Variants in SYNE2 observed in about 807,000 individuals in gnomAD.
SYNE2 encodes nesprin-2.
Under a neutral mutation model 856.3 loss-of-function variants are expected in SYNE2, and 431 were observed. The observed-to-expected ratio is 0.50, with a 90% CI of 0.47 to 0.55. SYNE2 has a LOEUF of 0.55. SYNE2 is among the 20% of genes least tolerant of loss of function. The pLI is 0.00. For synonymous variants in SYNE2, 2,923 were observed against 2,872.3 expected (o/e 1.02, Z -0.56); for missense variants, 8,129 against 8,023.2 (o/e 1.01, Z -0.50).
intron 1 of SYNE2, among the ~76,000 whole-genome samples, chr14:63,820,311 G>C (rs1889163975): frequency 6.6e-6 from 1 of 152,098 alleles, no homozygotes; most frequent in Non-Finnish European, 1.5e-5. Flanking sequence ...GTACAAGTCA[G>C]TGTCTTTTTA....
chr14:64,076,679 G>A (rs1413189898), intron 54 of SYNE2, among the ~76,000 whole-genome samples: 4 of 150,478 alleles, frequency 2.7e-5, no homozygotes, highest in Non-Finnish European at 5.9e-5. Flanking sequence ...TGATTAGATT[G>A]TAGAAAGACA....
intron 1 of SYNE2, among the ~76,000 whole-genome samples, chr14:63,799,612 G>A (rs1888054046): frequency 6.6e-6 from 1 of 152,078 alleles, no homozygotes; most frequent in Non-Finnish European, 1.5e-5. Flanking sequence ...GTTGAGGCAG[G>A]AGAATGGCGT....
At chr14:63,941,630 GATTCTTAAAGGT>G in intron 3 of SYNE2, 53 bp from the exon 4 acceptor site, 1 of 1,365,188 alleles carries the variant, frequency 7.3e-7, no homozygotes, top group Admixed American at 1.7e-5. Context: ...ACATTTATGA[GATTCTTAAAGGT>G]ATTCTTTTTG....
At position 64,225,629 on chromosome 14, in the gene SYNE2, G is replaced by T. The variant is rs112904973; in HGVS notation, c.*103G>T. On this transcript the variant is annotated 3_prime_UTR_variant, in exon 116 of 116. Coordinates refer to ENST00000555002, the MANE Select transcript of SYNE2 (RefSeq NM_182914.3). ...AGTGACTTAGTGTTGGCAAGGTCCC[G>T]GGACCTGTGCAGACTTCTTCTGGGC... 2 of 1,298,340 alleles carry T rather than the reference G, an allele frequency of 1.5e-6. No homozygotes were observed. The highest frequency in any genetic ancestry group is 3.9e-5 in the Admixed American group (2 of 51,210). 80.4% of individuals were successfully genotyped at this position (1,298,340 alleles called of 1,614,324 possible).
At chr14:63,812,839 G>A (rs939016047) in intron 1 of SYNE2, among the ~76,000 whole-genome samples, 1 of 152,080 alleles carries the variant, frequency 6.6e-6, no homozygotes, top group Non-Finnish European at 1.5e-5. Flanking sequence ...CATGGCACAT[G>A]TATACCTATG....
chr14:63,839,287 C>A (rs901919969), intron 1 of SYNE2, among the ~76,000 whole-genome samples: 2 of 152,122 alleles, frequency 1.3e-5, no homozygotes, highest in Non-Finnish European at 2.9e-5. Context: ...CCTTGGCCTC[C>A]CAAAGTGCTG....
chr14:63,931,870 A>G (rs1415424582), intron 2 of SYNE2, among the ~76,000 whole-genome samples: 7 of 152,130 alleles, frequency 4.6e-5, no homozygotes, highest in Non-Finnish European at 1.0e-4. Flanking sequence ...TGATCCTCCC[A>G]CTTCAGTTTC....
At position 64,065,446 on chromosome 14, in the gene SYNE2, T is replaced by C; in HGVS notation, c.10227T>C (p.Asn3409=). ...RLEQSKALVS[N]LISTKEELMK... The stretch of plus-strand genomic sequence containing the variant: ...TCTTTCTTAAGGCCTTGGTGTCAAA[T>C]CTTATATCAACCAAAGAAGAGTTAA... Residue 3409 remains asparagine (N), a synonymous_variant, in exon 51 of 116, where the codon AAT becomes AAC. Transcript: ENST00000555002. 6.2e-7 allele frequency: 1 copy of C among 1,614,140 alleles called. No homozygotes were observed. Among genetic ancestry groups the C allele is most frequent in the Non-Finnish European group, 8.5e-7 (1 of 1,180,010 alleles).
intron 1 of SYNE2, among the ~76,000 whole-genome samples, chr14:63,791,109 C>T (rs190893507): frequency 3.0e-4 from 45 of 152,190 alleles, no homozygotes; most frequent in Admixed American, 2.9e-3. Flanking sequence ...AAATGCCTGC[C>T]ACCACACCCA....
chr14:63,811,007 T>G (rs1167310780), intron 1 of SYNE2, among the ~76,000 whole-genome samples: 1 of 151,976 alleles, frequency 6.6e-6, no homozygotes, highest in Non-Finnish European at 1.5e-5. Context: ...GCTAATTTTT[T>G]GGTATTTTTA....
chr14:63,816,698 T>TTTTTAA (rs148491041), intron 1 of SYNE2, among the ~76,000 whole-genome samples: 60,237 of 148,598 alleles, frequency 0.41, 13,970 homozygotes, highest in South Asian at 0.54. Flanking sequence ...CAAACAGGTC[T>TTTTTAA]TTTTAATTTT....
chr14:63,873,965 A>G (rs1026829996), intron 1 of SYNE2: 3 of 152,186 alleles, frequency 2.0e-5, no homozygotes, highest in Non-Finnish European at 4.4e-5. Context: ...ATAGGAGGCT[A>G]CTTGTTCTCT....
Position 64,224,473 on chromosome 14 carries a change from C to T in SYNE2, c.20395C>T (p.Pro6799Ser), listed in dbSNP as rs770123186. 45 of 1,612,742 alleles carry T rather than the reference C, an allele frequency of 2.8e-5. No individual in the cohort carries two copies. Among genetic ancestry groups the T allele is most frequent in the Middle Eastern group, 3.4e-4 (2 of 5,962 alleles). The change falls in exon 114 of 116, where the codon CCC becomes TCC. Residue 6799 changes from proline (P) to serine (S), a missense_variant. Pro to Ser is a moderately conservative substitution (Grantham distance 74). This residue lies in a region of SYNE2 where 5,410 missense variants were observed against 5,284.8 expected (regional missense o/e 1.02). Transcript: ENST00000555002. ...GTCTGAATTTCAGAACCCAGCCTCA[C>T]CCCTGCCCAGCTTCGACGAGGTAGA... is the stretch of plus-strand genomic sequence containing the variant. ...ALQGTQNPAS[P>S]LPSFDEVDSG...
intron 8 of SYNE2, among the ~76,000 whole-genome samples, chr14:63,960,566 G>A (rs1377671614): frequency 6.6e-6 from 1 of 151,426 alleles, no homozygotes; most frequent in Non-Finnish European, 1.5e-5. Flanking sequence ...GTAAATATTT[G>A]TTGCTTTAAG....
chr14:64,148,769 A>G (rs772463820), intron 84 of SYNE2, among the ~76,000 whole-genome samples: 1 of 152,058 alleles, frequency 6.6e-6, no homozygotes, highest in Non-Finnish European at 1.5e-5. Flanking sequence ...CTAGCACCCC[A>G]TGTAGCATCA....
intron 84 of SYNE2, among the ~76,000 whole-genome samples, chr14:64,150,553 T>G (rs28396768): frequency 0.11 from 7,519 of 69,638 alleles, 291 homozygotes; most frequent in Non-Finnish European, 0.14. Flanking sequence ...TTTTGAAGGG[T>G]GTGTGTGTGT....
At chr14:64,197,578 C>T (rs1477249646) in intron 99 of SYNE2, among the ~76,000 whole-genome samples, 1 of 152,200 alleles carries the variant, frequency 6.6e-6, no homozygotes, top group African/African-American at 2.4e-5. Flanking sequence ...AATTCAGATA[C>T]TTGAACCATC....
At chr14:63,979,109 G>A (rs2096566606) in intron 14 of SYNE2, 95 bp downstream of exon 14, 1 of 1,270,476 alleles carries the variant, frequency 7.9e-7, no homozygotes, top group Non-Finnish European at 1.1e-6. Context: ...AACTCTTCGG[G>A]TTTTGAGATG....
intron 96 of SYNE2, among the ~76,000 whole-genome samples, chr14:64,178,782 G>A (rs10138159): frequency 0.021 from 3,141 of 152,280 alleles, 117 homozygotes; most frequent in African/African-American, 0.071. Context: ...GTTTTTAAAC[G>A]TTATATGGCT....
Sources: gnomAD v4.1 joint callset for allele counts (sites outside exome capture counted in the v4.1 genomes callset) on GRCh38, gnomAD v4.1.1 for gene constraint, gnomAD v4.1.1 regional missense constraint, MANE v1.5 for transcripts, NCBI Gene and HGNC (gene_info 2026-07-23, HGNC 2026-07-21) for gene names.